LINGO2: variants seen among roughly 807,000 people sequenced by gnomAD.
The protein encoded by LINGO2 is leucine rich repeat and Ig domain containing 2.
LINGO2 carries 14 observed loss-of-function variants against 30.6 expected under a neutral mutation model. That is an observed-to-expected ratio of 0.46 (90% CI 0.30 to 0.72). The LOEUF is 0.72. LINGO2 is among the 30% of genes least tolerant of loss of function. The probability of loss-of-function intolerance (pLI) is 0.07; values close to 1 mark genes in which losing one functional copy is unlikely to be tolerated. For synonymous variants in LINGO2, 317 were observed against 288.5 expected (o/e 1.10, Z -1.00); for missense variants, 729 against 751.7 (o/e 0.97, Z 0.35).
the LINGO2 span, among the ~76,000 whole-genome samples, chr9:29,158,318 T>C: frequency 6.6e-6 from 1 of 152,040 alleles, no homozygotes; most frequent in Admixed American, 6.6e-5. Context: ...ATCCTGTCAC[T>C]GCACTCCAGC....
the LINGO2 span, among the ~76,000 whole-genome samples, chr9:29,006,931 G>A: frequency 6.6e-6 from 1 of 152,042 alleles, no homozygotes; most frequent in Non-Finnish European, 1.5e-5. Context: ...AATGGTGATG[G>A]AAGCTGGGTA....
chr9:28,419,229 A>G (rs914808306), intron 2 of LINGO2, among the ~76,000 whole-genome samples: 5 of 152,168 alleles, frequency 3.3e-5, no homozygotes, highest in African/African-American at 9.6e-5. Flanking sequence ...AGCAAATAGT[A>G]TAAAAGCTAT....
chr9:28,075,166 A>G (rs1201023028), intron 4 of LINGO2, among the ~76,000 whole-genome samples: 1 of 151,860 alleles, frequency 6.6e-6, no homozygotes, highest in Non-Finnish European at 1.5e-5. Context: ...TGTGGCTTGA[A>G]ATAGTGTTTA....
At chr9:28,971,372 G>A in the LINGO2 span, among the ~76,000 whole-genome samples, 1 of 152,122 alleles carries the variant, frequency 6.6e-6, no homozygotes, top group East Asian at 1.9e-4. Context: ...CTCTTAGATG[G>A]CATTTCTGGA....
At chr9:28,255,088 A>G (rs1822337975) in intron 4 of LINGO2, among the ~76,000 whole-genome samples, 1 of 151,992 alleles carries the variant, frequency 6.6e-6, no homozygotes. Flanking sequence ...ATTCCTCCCA[A>G]TTTTATTTCA....
At position 28,375,357 on chromosome 9, in the gene LINGO2, G is replaced by A. The variant is rs115095872; in HGVS notation, c.-278-2489C>T. ...TATGACATCTACTACCTTAGAAGGA[G>A]CAGTAACTCATTTTGACTAGAACTG... On this transcript the variant is annotated intron_variant, in intron 2 of 5. Transcript: ENST00000379992. Among the ~76,000 whole-genome samples the A allele has an allele frequency of 3.1e-3, 468 of 152,326 alleles. 3 individuals carry two copies. Among genetic ancestry groups the A allele is most frequent in the African/African-American group, 0.011 (449 of 41,568 alleles).
At chr9:28,248,725 C>A (rs900496987) in intron 4 of LINGO2, among the ~76,000 whole-genome samples, 1 of 152,024 alleles carries the variant, frequency 6.6e-6, no homozygotes. Context: ...ATCTCATGTA[C>A]CCCATAAATA....
the LINGO2 span, among the ~76,000 whole-genome samples, chr9:29,008,415 G>T: frequency 6.6e-6 from 1 of 152,152 alleles, no homozygotes; most frequent in Non-Finnish European, 1.5e-5. Context: ...ATAGCAGCAT[G>T]ATTTATAATC....
chr9:28,926,859 C>T, the LINGO2 span, among the ~76,000 whole-genome samples: 1 of 152,150 alleles, frequency 6.6e-6, no homozygotes, highest in African/African-American at 2.4e-5. Context: ...CTTACACTCC[C>T]TGCCCACCTT....
intron 2 of LINGO2, among the ~76,000 whole-genome samples, chr9:28,386,358 C>T (rs531472079): frequency 5.9e-5 from 9 of 152,148 alleles, no homozygotes; most frequent in East Asian, 1.9e-4. Context: ...TGTGTGGGGG[C>T]GGGTGTGTTT....
rs572954575 is a variant in LINGO2, at chr9:28,305,819, C to A, written c.-245-10453G>T. 1.7e-3 allele frequency among the ~76,000 whole-genome samples: 255 copies of A among 152,128 alleles called. 3 individuals are homozygous for A. Among genetic ancestry groups the A allele is most frequent in the Non-Finnish European group, 3.1e-3 (209 of 67,950 alleles). ...TTTTCTAACCCATGAATGTGGCGTT[C>A]ATTCATTCATCTGGTCTTTAATTTC... On this transcript the variant is annotated intron_variant, in intron 3 of 5. Transcript: ENST00000379992.
intron 3 of LINGO2, among the ~76,000 whole-genome samples, chr9:28,371,702 T>TC (rs1564156540): frequency 1.3e-5 from 2 of 152,166 alleles, no homozygotes; most frequent in Non-Finnish European, 2.9e-5. Context: ...GTGTTCTATC[T>TC]CAGAGGCCAG....
chr9:28,656,652 A>C (rs1193012774), intron 1 of LINGO2, among the ~76,000 whole-genome samples: 2 of 152,132 alleles, frequency 1.3e-5, no homozygotes, highest in African/African-American at 2.4e-5. Flanking sequence ...ATGTGATCCT[A>C]TGCTTTCTAT....
At chr9:28,981,155 G>A in the LINGO2 span, among the ~76,000 whole-genome samples, 1 of 152,024 alleles carries the variant, frequency 6.6e-6, no homozygotes, top group African/African-American at 2.4e-5. Context: ...CAATACACAA[G>A]TGCATAGTGC....
At chr9:28,560,356 T>C (rs1453230120) in intron 1 of LINGO2, among the ~76,000 whole-genome samples, 1 of 152,094 alleles carries the variant, frequency 6.6e-6, no homozygotes, top group Non-Finnish European at 1.5e-5. Context: ...AGGAAAAATC[T>C]GGTCTTGATC....
At chr9:28,599,618 T>C (rs1259616015) in intron 1 of LINGO2, among the ~76,000 whole-genome samples, 2 of 152,136 alleles carry the variant, frequency 1.3e-5, no homozygotes, top group African/African-American at 4.8e-5. Context: ...AAGTTTATTG[T>C]TTAACTACTT....
chr9:28,558,168 C>T (rs1482195804), intron 1 of LINGO2, among the ~76,000 whole-genome samples: 1 of 143,940 alleles, frequency 6.9e-6, no homozygotes, highest in African/African-American at 2.7e-5. Context: ...TAGAATAAAA[C>T]CAAAAAAAAA....
intron 4 of LINGO2, among the ~76,000 whole-genome samples, chr9:28,079,047 T>C (rs1054611820): frequency 6.7e-6 from 1 of 148,566 alleles, no homozygotes; most frequent in Non-Finnish European, 1.5e-5. Flanking sequence ...CCTGGTAAAA[T>C]GGTCCTCCTC....
In LINGO2 at chr9:28,316,292, T is replaced by C. The variant is rs1379065763; in HGVS notation, c.-245-20926A>G. 5.3e-5 allele frequency among the ~76,000 whole-genome samples: 8 copies of C among 152,186 alleles called. No homozygotes were observed. The East Asian group carries it at 1.5e-3, about 29-fold the overall frequency. ...ATGAAATATATAGTGAGGAGATATG[T>C]ATTTCATTATCTACTCTTATCAAAA... is the stretch of plus-strand genomic sequence containing the variant. On this transcript the variant is annotated intron_variant, in intron 3 of 5. Coordinates refer to ENST00000379992, the Ensembl canonical transcript of LINGO2.
Sources: gnomAD v4.1 joint callset for allele counts (sites outside exome capture counted in the v4.1 genomes callset) on GRCh38, gnomAD v4.1.1 for gene constraint, MANE v1.5 for transcripts, NCBI Gene and HGNC (gene_info 2026-07-23, HGNC 2026-07-21) for gene names.